Variants in RNPC3 observed in about 807,000 individuals in gnomAD.
The protein encoded by RNPC3 is RNA binding region (RNP1, RRM) containing 3, also known as RNA-binding region-containing protein 3.
A neutral mutation model predicts 67.5 loss-of-function variants in RNPC3; 48 were observed. That is an observed-to-expected ratio of 0.71 (90% CI 0.56 to 0.90). RNPC3 has a LOEUF of 0.90. RNPC3 is among the 40% of genes least tolerant of loss of function. The probability of loss-of-function intolerance (pLI) is 0.00; values close to 1 mark genes in which losing one functional copy is unlikely to be tolerated. For synonymous variants in RNPC3, 239 were observed against 210.3 expected (o/e 1.14, Z -1.18); for missense variants, 637 against 626.1 (o/e 1.02, Z -0.19).
At chr1:103,539,161 T>C (rs545301896) in intron 7 of RNPC3, among the ~76,000 whole-genome samples, 6 of 152,158 alleles carry the variant, frequency 3.9e-5, no homozygotes, top group Non-Finnish European at 8.8e-5. Context: ...TGCAGGACTC[T>C]AATGGGAAAA....
At chr1:103,538,540 A>G (rs1651048952) in intron 7 of RNPC3, among the ~76,000 whole-genome samples, 2 of 152,218 alleles carry the variant, frequency 1.3e-5, no homozygotes. Flanking sequence ...GTTCTTAGAC[A>G]TAAACACATA....
intron 7 of RNPC3, among the ~76,000 whole-genome samples, chr1:103,538,776 T>C (rs530869551): frequency 9.2e-5 from 14 of 152,352 alleles, no homozygotes; most frequent in African/African-American, 3.4e-4. Flanking sequence ...TAGGATTTCA[T>C]ACAAAACTAT....
chr1:103,531,633 T>C (rs1001893654), intron 2 of RNPC3, among the ~76,000 whole-genome samples: 6 of 152,180 alleles, frequency 3.9e-5, no homozygotes, highest in South Asian at 2.1e-4. Context: ...GTTGGCCATT[T>C]GTGTATCTTA....
chr1:103,535,586 C>T, intron 5 of RNPC3, 145 bp downstream of exon 5: 2 of 541,518 alleles, frequency 3.7e-6, no homozygotes, highest in East Asian at 6.2e-5. Flanking sequence ...TTTTCTACTT[C>T]CAAGTAGAGA....
intron 12 of RNPC3, among the ~76,000 whole-genome samples, chr1:103,547,542 G>A (rs1480033835): frequency 1.3e-5 from 2 of 152,168 alleles, no homozygotes; most frequent in Non-Finnish European, 2.9e-5. Flanking sequence ...GTTTCTAAAA[G>A]GCTCCTGGAT....
chr1:103,547,028 C>G lies in RNPC3; in HGVS notation c.1354C>G (p.Arg452Gly). The change falls in exon 12 of 15, where the codon CGG (arginine) becomes GGG (glycine). Residue 452 changes from arginine to glycine, a missense_variant. Transcript: ENST00000423855. The stretch of plus-strand genomic sequence containing the variant: ...TGTTGACTTTTCATCAGAAACACAG[C>G]GGATCATGTAAGTGACAGTAAAATA... ...RYVDFSSETQ[R>G]IMFDIRLMKE... 2 of 1,488,384 alleles carry G rather than the reference C, an allele frequency of 1.3e-6. No homozygotes were observed. Among genetic ancestry groups the G allele is most frequent in the Non-Finnish European group, 1.8e-6 (2 of 1,111,360 alleles). The allele number at this position is 1,488,384 out of a possible 1,614,324, so 92.2% of individuals were successfully genotyped here. A position where few individuals can be genotyped will look rare whatever the true frequency, so the allele number is the denominator to read the frequency against.
At chr1:103,534,993 C>T (rs1650946480) in intron 4 of RNPC3, 136 bp downstream of exon 4, 3 of 549,404 alleles carry the variant, frequency 5.5e-6, no homozygotes, top group Non-Finnish European at 9.4e-6. Flanking sequence ...GTGTTATATA[C>T]AGATATCTTA....
At chr1:103,532,773 G>A (rs1650890911) in intron 2 of RNPC3, among the ~76,000 whole-genome samples, 1 of 152,106 alleles carries the variant, frequency 6.6e-6, no homozygotes, top group Non-Finnish European at 1.5e-5. Context: ...ATGCAACCAA[G>A]TGAAGACTAG....
chr1:103,546,778 T>C, intron 11 of RNPC3, 199 bp from the exon 12 acceptor site: 1 of 435,884 alleles, frequency 2.3e-6, no homozygotes, highest in South Asian at 5.3e-5. Flanking sequence ...ATCACCACAA[T>C]TTCTGCCTTT....
At chr1:103,543,513 A>T in intron 9 of RNPC3, 66 bp downstream of exon 9, 1 of 1,146,906 alleles carries the variant, frequency 8.7e-7, no homozygotes, top group Non-Finnish European at 1.2e-6. Context: ...AGTTTTACAT[A>T]TAATGTTTCA....
Position 103,527,721 on chromosome 1 carries a change from T to C in RNPC3, c.219T>C (p.Pro73=). 1 of 1,548,714 alleles carries C rather than the reference T, an allele frequency of 6.5e-7. No individual in the cohort carries two copies. Among genetic ancestry groups the C allele is most frequent in the South Asian group, 1.2e-5 (1 of 83,784 alleles). The change falls in exon 2 of 15, where the codon CCT becomes CCC. Residue 73 remains proline (P), a synonymous_variant. Coordinates refer to ENST00000423855, the MANE Select transcript of RNPC3 (RefSeq NM_017619.4). ...RLKHTAFATF[P]NEKAAIKALT... ...AACATACAGCTTTTGCCACATTCCC[T>C]AATGAAAAAGCAGCTATAAAGGTAT...
intron 7 of RNPC3, 30 bp from the exon 8 acceptor site, chr1:103,541,319 AT>A (rs775367645): frequency 1.3e-5 from 19 of 1,466,096 alleles, no homozygotes; most frequent in Non-Finnish European, 1.7e-5. Flanking sequence ...TAGAAAGGAA[AT>A]TTTGTTTATC....
chr1:103,532,097 A>T (rs1384016541), intron 2 of RNPC3, among the ~76,000 whole-genome samples: 1 of 151,894 alleles, frequency 6.6e-6, no homozygotes, highest in East Asian at 1.9e-4. Context: ...TCTTTTCCCT[A>T]CTTTATGTTT....
intron 9 of RNPC3, among the ~76,000 whole-genome samples, chr1:103,544,087 A>T (rs1651187132): frequency 6.6e-6 from 1 of 151,786 alleles, no homozygotes; most frequent in Non-Finnish European, 1.5e-5. Context: ...AAAAGTTAAC[A>T]CCTCAAACCT....
Position 103,545,047 on chromosome 1 carries a change from G to A in RNPC3, c.1152G>A (p.Met384Ile). The change falls in exon 10 of 15, where the codon ATG becomes ATA. Residue 384 changes from methionine (M) to isoleucine (I), a missense_variant. Around this residue, in one of 3 missense-constraint regions of RNPC3, gnomAD observed 536 missense variants for 500.3 expected, o/e 1.07. Coordinates refer to ENST00000423855, the MANE Select transcript of RNPC3 (RefSeq NM_017619.4). ...TEEIKEDSDE[M>I]PSECISRREL... ...AGATTAAAGAAGACTCTGATGAAAT[G>A]CCTTCAGAATGTATTTCTAGAAGGG... 2.0e-6 allele frequency: 3 copies of A among 1,534,150 alleles called. No individual in the cohort carries two copies. The highest frequency in any genetic ancestry group is 2.6e-6 in the Non-Finnish European group (3 of 1,144,994).
chr1:103,526,515 C>G (rs1650713296), intron 1 of RNPC3, among the ~76,000 whole-genome samples: 1 of 152,138 alleles, frequency 6.6e-6, no homozygotes, highest in Non-Finnish European at 1.5e-5. Flanking sequence ...TGGAAATTAG[C>G]TTAGTTATAT....
intron 2 of RNPC3, among the ~76,000 whole-genome samples, chr1:103,530,800 G>T (rs1650830573): frequency 6.6e-6 from 1 of 152,094 alleles, no homozygotes; most frequent in Non-Finnish European, 1.5e-5. Flanking sequence ...GGTTAGCGGT[G>T]ATTAGATTCT....
intron 12 of RNPC3, among the ~76,000 whole-genome samples, chr1:103,549,688 A>C (rs1309794475): frequency 1.3e-5 from 2 of 152,192 alleles, no homozygotes; most frequent in African/African-American, 4.8e-5. Context: ...GATACATGGA[A>C]TAGTAGATCA....
At position 103,537,416 on chromosome 1, in the gene RNPC3, A is replaced by G. The variant is rs1430562839; in HGVS notation, c.699A>G (p.Pro233=). 3 of 1,536,408 alleles carry G rather than the reference A, an allele frequency of 2.0e-6. No individual in the cohort carries two copies. The highest frequency in any genetic ancestry group is 8.7e-7 in the Non-Finnish European group (1 of 1,146,394). The change falls in exon 7 of 15, where the codon CCA becomes CCG. Residue 233 remains proline (P), a synonymous_variant. Transcript: ENST00000423855. ...SPQPPEEPPL[P]DEDEELSSEE... is the part of the protein sequence containing the mutation. ...AGCCACCTGAGGAACCTCCTTTGCC[A>G]GACGAGGATGAGGAATTATCTAGTG...
Sources: allele counts gnomAD v4.1 joint callset (sites outside exome capture counted in the v4.1 genomes callset), GRCh38; gene constraint gnomAD v4.1.1; regional missense constraint gnomAD v4.1.1; transcripts MANE v1.5; gene names NCBI Gene and HGNC (gene_info 2026-07-23, HGNC 2026-07-21).